ALOXE3: variants seen among roughly 807,000 people sequenced by gnomAD.
The protein encoded by ALOXE3 is hydroperoxide isomerase ALOXE3.
ALOXE3 carries 78 observed loss-of-function variants against 87.5 expected under a neutral mutation model. The ratio of observed to expected loss-of-function variants is 0.89; its 90% CI spans 0.74 to 1.08. The LOEUF is 1.08. Ranked by LOEUF, ALOXE3 falls within the 50% of genes least tolerant of loss-of-function variation. The pLI, the probability that ALOXE3 is intolerant of heterozygous loss-of-function variation, is 0.00. For synonymous variants in ALOXE3, 363 were observed against 370.8 expected, an observed-to-expected ratio of 0.98 and a Z score of 0.24; for missense variants, 946 against 912.4, an observed-to-expected ratio of 1.04 and a Z score of -0.47.
Position 8,109,305 on chromosome 17 carries a change from C to T in ALOXE3, c.1431G>A (p.Met477Ile). 6.2e-7 allele frequency: 1 copy of T among 1,614,068 alleles called. No homozygotes were observed. The highest frequency in any genetic ancestry group is 1.1e-5 in the South Asian group (1 of 91,078). The change falls in exon 12 of 16, where the codon ATG becomes ATA. Residue 477 changes from methionine (M) to isoleucine (I), a missense_variant. Met to Ile is a conservative substitution (Grantham distance 10, BLOSUM62 1). Coordinates refer to ENST00000448843, the MANE Select transcript of ALOXE3 (RefSeq NM_021628.3). ...SIGRQGLIYL[M>I]STGLAHFTYT... ...AGGTGAAGTGGGCCAGGCCCGTGCT[C>T]ATGAGGTAGATGAGGCCTTGCCTCC... is the stretch of plus-strand genomic sequence containing the variant.
Position 8,115,063 on chromosome 17 carries a change from G to A in ALOXE3, c.435-6C>T, listed in dbSNP as rs376718632. On this transcript the variant is annotated splice_polypyrimidine_tract_variant and splice_region_variant and intron_variant, in intron 4 of 15. Coordinates refer to ENST00000448843, the MANE Select transcript of ALOXE3 (RefSeq NM_021628.3). Reference sequence around the variant, plus strand: ...CAGGGGCATAGATCTTCCAGCTTCCGAGGGAAAGAGGTCAGAGGTGGCAGG... The same window carrying A: ...CAGGGGCATAGATCTTCCAGCTTCCAAGGGAAAGAGGTCAGAGGTGGCAGG... 67 of 1,614,016 alleles carry A rather than the reference G, an allele frequency of 4.2e-5. 1 individual carries two copies. The highest frequency in any genetic ancestry group is 6.6e-5 in the South Asian group (6 of 91,088).
rs1481995900 is a variant in ALOXE3 at position 8,103,409 on chromosome 17, T to C, written c.1870A>G (p.Thr624Ala). Residue 624 changes from threonine (T) to alanine (A), a missense_variant, in exon 15 of 16, where the codon ACT (threonine) becomes GCT (alanine). Coordinates refer to ENST00000448843, the MANE Select transcript of ALOXE3 (RefSeq NM_021628.3). ...ACTTCAGGGAGGGTGTCTAGGTAAGTCTTCAGGGTGGTGGTCCCCTTGGTC... is the reference window on the plus strand; with the variant it reads ...ACTTCAGGGAGGGTGTCTAGGTAAGCCTTCAGGGTGGTGGTCCCCTTGGTC... ...PQTKGTTTLK[T>A]YLDTLPEVNI... The C allele has an allele frequency of 2.5e-6, 4 of 1,613,972 alleles. No individual in the cohort carries two copies. Among genetic ancestry groups the C allele is most frequent in the Non-Finnish European group, 3.4e-6 (4 of 1,180,018 alleles).
At position 8,096,620 on chromosome 17, in the gene ALOXE3, G is replaced by T; in HGVS notation, c.*7C>A. Reference sequence around the variant, plus strand: ...TTTCTTTCTTCTTGGGTGGTATTTGGGGGTGGTTAGATGGAGACGCTGTTC... The same window carrying T: ...TTTCTTTCTTCTTGGGTGGTATTTGTGGGTGGTTAGATGGAGACGCTGTTC... On this transcript the variant is annotated 3_prime_UTR_variant, in exon 16 of 16. Coordinates refer to ENST00000448843, the MANE Select transcript of ALOXE3 (RefSeq NM_021628.3). The T allele has an allele frequency of 8.3e-7, 1 of 1,211,252 alleles. No homozygotes were observed. The highest frequency in any genetic ancestry group is 2.3e-5 in the East Asian group (1 of 43,034). 75.0% of individuals were successfully genotyped at this position (1,211,252 alleles called of 1,614,324 possible). A position where few individuals can be genotyped will look rare whatever the true frequency, so the allele number is the denominator to read the frequency against.
At chr17:8,098,765 G>A (rs1452560532) in intron 15 of ALOXE3, among the ~76,000 whole-genome samples, 1 of 152,020 alleles carries the variant, frequency 6.6e-6, no homozygotes, top group African/African-American at 2.4e-5. Context: ...ATCATGGTGT[G>A]TTATTGTTTT....
chr17:8,107,921 GAAA>G (rs1979545646), intron 13 of ALOXE3, among the ~76,000 whole-genome samples: 6 of 5,938 alleles, frequency 1.0e-3, no homozygotes, highest in African/African-American at 3.3e-3. Context: ...AAGAAAGAAA[GAAA>G]GAAAGAAAGA....
At position 8,109,260 on chromosome 17, in the gene ALOXE3, C is replaced by T. The variant is rs780844389; in HGVS notation, c.1476G>A (p.Pro492=). 1.9e-6 allele frequency: 3 copies of T among 1,614,098 alleles called. No homozygotes were observed. The highest frequency in any genetic ancestry group is 2.2e-5 in the East Asian group (1 of 44,856). ...AHFTYTNFCL[P]DSLRARGVLA... is the part of the protein sequence containing the mutation. The stretch of plus-strand genomic sequence containing the variant: ...GGACGCCGCGGGCCCGCAGGCTGTC[C>T]GGAAGGCAGAAATTGGTGTAGGTGA... Residue 492 remains proline, a synonymous_variant, in exon 12 of 16, where the codon CCG becomes CCA. Transcript: ENST00000448843.
upstream of ALOXE3, chr17:8,118,693 G>A (rs1225917231): frequency 3.3e-6 from 5 of 1,537,170 alleles, no homozygotes; most frequent in Middle Eastern, 3.3e-4. Context: ...TGGCACGCCC[G>A]ACCTCATTCT....
chr17:8,114,484 G>C lies in ALOXE3; in HGVS notation c.680C>G (p.Ala227Gly), dbSNP rs199981318. The change falls in exon 6 of 16, where the codon GCG becomes GGG. Residue 227 changes from alanine to glycine, a missense_variant and splice_region_variant. Transcript: ENST00000448843. Reference sequence around the variant, plus strand: ...TTCATTAGAGGGACAATGGCCTTACGCAGGGATGGCATTGAAGAGCAGCGA... The same window carrying C: ...TTCATTAGAGGGACAATGGCCTTACCCAGGGATGGCATTGAAGAGCAGCGA... ...TISLLFNAIP[A>G]SLGMKLRGLL... 3 of 1,613,996 alleles carry C rather than the reference G, an allele frequency of 1.9e-6. No homozygotes were observed. Among genetic ancestry groups the C allele is most frequent in the East Asian group, 2.2e-5 (1 of 44,878 alleles).
In ALOXE3 at chr17:8,108,591, T is replaced by C. The variant is rs141115577; in HGVS notation, c.1563-2A>G. Reference sequence around the variant, plus strand: ...TAGCCCACGATTTCTGAGACAAAGCTGCAGGAAAGAGATGCTGGTACCACT... The same window carrying C: ...TAGCCCACGATTTCTGAGACAAAGCCGCAGGAAAGAGATGCTGGTACCACT... On this transcript the variant is annotated splice_acceptor_variant, in intron 12 of 15. Transcript: ENST00000448843. LOFTEE classifies it high-confidence loss of function. 1.9e-6 allele frequency: 3 copies of C among 1,610,706 alleles called. No homozygotes were observed. Among genetic ancestry groups the C allele is most frequent in the Non-Finnish European group, 2.5e-6 (3 of 1,177,984 alleles).
chr17:8,118,742 G>A, upstream of ALOXE3: 1 of 1,537,310 alleles, frequency 6.5e-7, no homozygotes, highest in Non-Finnish European at 8.7e-7. Flanking sequence ...GCGAAATACA[G>A]CGCCGGCAAA....
At chr17:8,113,411 G>T (rs967480402) in intron 6 of ALOXE3, among the ~76,000 whole-genome samples, 5 of 152,226 alleles carry the variant, frequency 3.3e-5, no homozygotes, top group Admixed American at 1.3e-4. Context: ...CCAGCACTTT[G>T]GGAGGCCAAG....
intron 13 of ALOXE3, among the ~76,000 whole-genome samples, chr17:8,107,173 C>T (rs1979378694): frequency 6.6e-6 from 1 of 152,290 alleles, no homozygotes; most frequent in Admixed American, 6.5e-5. Context: ...AGGATCAGCA[C>T]TGATCATGAT....
At chr17:8,102,432 G>A (rs907052975) in intron 15 of ALOXE3, among the ~76,000 whole-genome samples, 5 of 152,146 alleles carry the variant, frequency 3.3e-5, no homozygotes, top group Admixed American at 3.3e-4. Context: ...GGCGGAGGTT[G>A]CAGTGAGCTG....
At chr17:8,117,284 G>A (rs1209141763) in intron 2 of ALOXE3, among the ~76,000 whole-genome samples, 1 of 152,208 alleles carries the variant, frequency 6.6e-6, no homozygotes, top group Non-Finnish European at 1.5e-5. Context: ...GTCGGGCGTC[G>A]TGGCAGGCGC....
intron 6 of ALOXE3, 45 bp downstream of exon 6, chr17:8,114,439 A>T: frequency 6.2e-7 from 1 of 1,613,600 alleles, no homozygotes; most frequent in Non-Finnish European, 8.5e-7. Flanking sequence ...AGGGGGATGG[A>T]TGGGCAGAGA....
In ALOXE3 at chr17:8,096,312, C is replaced by A; in HGVS notation, c.*315G>T. On this transcript the variant is annotated 3_prime_UTR_variant, in exon 16 of 16. Coordinates refer to ENST00000448843, the MANE Select transcript of ALOXE3 (RefSeq NM_021628.3). ...GAAAAGCTCAGAAACCCAAGCTGGGCATTCCAAGAGGCTGGAACAAGAGGC... is the reference window on the plus strand; with the variant it reads ...GAAAAGCTCAGAAACCCAAGCTGGGAATTCCAAGAGGCTGGAACAAGAGGC... The A allele has an allele frequency of 3.4e-6, 1 of 291,114 alleles. No homozygotes were observed. 18.0% of individuals were successfully genotyped at this position (291,114 alleles called of 1,614,324 possible).
chr17:8,115,696 G>A lies in ALOXE3; in HGVS notation c.353-8C>T, dbSNP rs376203756. 11 of 1,610,116 alleles carry A rather than the reference G, an allele frequency of 6.8e-6. No homozygotes were observed. The highest frequency in any genetic ancestry group is 4.5e-5 in the East Asian group (2 of 44,862). ...CCTGACAAATAGTTCTTGCTGTGGG[G>A]AATGAAAATTACTCTTGGTATAAGT... is the stretch of plus-strand genomic sequence containing the variant. On this transcript the variant is annotated splice_region_variant and splice_polypyrimidine_tract_variant and intron_variant, in intron 3 of 15. Coordinates refer to ENST00000448843, the MANE Select transcript of ALOXE3 (RefSeq NM_021628.3).
rs985113517 is a variant in ALOXE3 at position 8,109,169 on chromosome 17, C to T, written c.1562+5G>A. On this transcript the variant is annotated splice_donor_5th_base_variant and intron_variant, in intron 12 of 15. Transcript: ENST00000448843. ...GGACTGCTGGTCCCGCCCCGCACCT[C>T]GCACCTCTCAATGGCCGCCCAGATC... The T allele has an allele frequency of 7.4e-6, 12 of 1,612,900 alleles. No homozygotes were observed. The highest frequency in any genetic ancestry group is 2.2e-5 in the East Asian group (1 of 44,884).
chr17:8,100,974 G>A (rs1010194806), intron 15 of ALOXE3, among the ~76,000 whole-genome samples: 1 of 151,794 alleles, frequency 6.6e-6, no homozygotes, highest in Non-Finnish European at 1.5e-5. Context: ...CTGTGAAGTG[G>A]AACTACCATT....
Sources: gnomAD v4.1 joint callset for allele counts (sites outside exome capture counted in the v4.1 genomes callset) on GRCh38, gnomAD v4.1.1 for gene constraint, MANE v1.5 for transcripts, NCBI Gene and HGNC (gene_info 2026-07-23, HGNC 2026-07-21) for gene names.